The following D2HGDH variants were observed in gnomAD, a reference collection of about 807,000 sequenced individuals.
The protein encoded by D2HGDH is D-2-hydroxyglutarate dehydrogenase, mitochondrial.
A neutral mutation model predicts 46.9 loss-of-function variants in D2HGDH; 31 were observed. The observed-to-expected ratio is 0.66, with a 90% CI of 0.50 to 0.89. D2HGDH has a LOEUF of 0.89. Among genes scored for constraint, D2HGDH ranks in the 40% least tolerant of loss-of-function variants. The pLI, the probability that D2HGDH is intolerant of heterozygous loss-of-function variation, is 0.00. For synonymous variants in D2HGDH, 364 were observed against 332.6 expected, an observed-to-expected ratio of 1.09 and a Z score of -1.03; for missense variants, 698 against 720.8, an observed-to-expected ratio of 0.97 and a Z score of 0.36.
intron 8 of D2HGDH, among the ~76,000 whole-genome samples, chr2:241,752,838 G>C (rs1697488432): frequency 7.6e-6 from 1 of 131,260 alleles, no homozygotes; most frequent in Non-Finnish European, 1.6e-5. Context: ...ACAAAGGAAG[G>C]CTGCCCCCAA....
chr2:241,757,230 A>G (rs968147566), intron 9 of D2HGDH, among the ~76,000 whole-genome samples: 13 of 152,278 alleles, frequency 8.5e-5, no homozygotes, highest in African/African-American at 2.9e-4. Context: ...AACTTGCCCA[A>G]AGTTGCCCAG....
At chr2:241,756,810 C>T (rs1428654382) in intron 9 of D2HGDH, among the ~76,000 whole-genome samples, 2 of 152,238 alleles carry the variant, frequency 1.3e-5, no homozygotes, top group African/African-American at 4.8e-5. Context: ...GAGTGAGCCA[C>T]CGTGCCCAGC....
chr2:241,744,675 G>T (rs1349925210), intron 5 of D2HGDH, 34 bp from the exon 6 acceptor site: 1 of 1,614,108 alleles, frequency 6.2e-7, no homozygotes, highest in East Asian at 2.2e-5. Flanking sequence ...CAGGAGGCTG[G>T]CAGGTGGGTG....
intron 9 of D2HGDH, among the ~76,000 whole-genome samples, chr2:241,764,130 AG>A (rs1699069309): frequency 2.8e-5 from 4 of 145,296 alleles, no homozygotes; most frequent in Admixed American, 1.3e-4. Flanking sequence ...GTCCCCGGGC[AG>A]GGGATGTGTT....
intron 6 of D2HGDH, chr2:241,748,824 C>A: frequency 8.4e-7 from 1 of 1,195,970 alleles, no homozygotes; most frequent in Non-Finnish European, 1.1e-6. Flanking sequence ...CCTCTTCATC[C>A]AGGTTTTCTG....
intron 6 of D2HGDH, chr2:241,748,701 A>G (rs1575267604): frequency 1.7e-6 from 1 of 590,710 alleles, no homozygotes. Context: ...CCCGCCCTCC[A>G]CCTTCAGCCC....
chr2:241,745,605 G>C (rs182698122), intron 6 of D2HGDH, among the ~76,000 whole-genome samples: 1 of 152,254 alleles, frequency 6.6e-6, no homozygotes, highest in Admixed American at 6.5e-5. Flanking sequence ...TTCTTGTTGT[G>C]ATGTGTGTTC....
At chr2:241,744,288 T>C (rs1274499240) in intron 5 of D2HGDH, among the ~76,000 whole-genome samples, 3 of 152,244 alleles carry the variant, frequency 2.0e-5, no homozygotes, top group Admixed American at 2.0e-4. Flanking sequence ...ATCCAGTAAA[T>C]TATGACGCTT....
intron 8 of D2HGDH, among the ~76,000 whole-genome samples, chr2:241,754,283 G>A (rs1446686871): frequency 1.3e-5 from 2 of 152,166 alleles, no homozygotes; most frequent in Admixed American, 1.3e-4. Flanking sequence ...CGAAGGGACC[G>A]TAGGAGGGGC....
Position 241,764,463 on chromosome 2 carries a change from A to G in D2HGDH, c.1307-3247A>G, listed in dbSNP as rs1699100812. The stretch of plus-strand genomic sequence containing the variant: ...ACGTGGCGTCTTCAACAAACAGTCA[A>G]ATTTTAGGGATGTCACATGACAGGA... On this transcript the variant is annotated intron_variant, in intron 9 of 9. Transcript: ENST00000321264. 4.6e-5 allele frequency among the ~76,000 whole-genome samples: 7 copies of G among 152,210 alleles called. No homozygotes were observed. In the South Asian group the frequency reaches 1.2e-3, roughly 27 times the overall value.
Position 241,741,086 on chromosome 2 carries a change from C to T in D2HGDH, c.346C>T (p.Leu116Phe). The change falls in exon 3 of 10, where the codon CTC becomes TTC. Residue 116 changes from leucine to phenylalanine, a missense_variant. Transcript: ENST00000321264. ...PRTSEEVSHI[L>F]RHCHERNLAV... ...GACGTCGGAGGAGGTGTCCCACATC[C>T]TCAGGTGAGGTGGTGGCTCCCGGCT... 2 of 1,613,776 alleles carry T rather than the reference C, an allele frequency of 1.2e-6. No homozygotes were observed. The highest frequency in any genetic ancestry group is 1.7e-6 in the Non-Finnish European group (2 of 1,179,926).
In D2HGDH at chr2:241,742,614, T is replaced by C. The variant is rs78147778; in HGVS notation, c.490+40T>C. 410,818 of 1,612,210 alleles carry C rather than the reference T, an allele frequency of 0.25. 53,624 individuals are homozygous for C. Among genetic ancestry groups the C allele is most frequent in the Middle Eastern group, 0.33 (2,013 of 6,060 alleles). Reference sequence around the variant, plus strand: ...CCCGTCGGGGCCCAGGAGTCCCTCCTGGTGCTGGTGGAGTTCTTCCTTGCC... The same window carrying C: ...CCCGTCGGGGCCCAGGAGTCCCTCCCGGTGCTGGTGGAGTTCTTCCTTGCC... On this transcript the variant is annotated intron_variant, in intron 4 of 9. Coordinates refer to ENST00000321264, the MANE Select transcript of D2HGDH (RefSeq NM_152783.5). This position sits in a 1 kb window ranked among gnomAD's most constrained non-coding sequence, Gnocchi z 4.8.
chr2:241,751,512 G>A (rs1697196478), intron 8 of D2HGDH, 124 bp downstream of exon 8: 3 of 1,435,786 alleles, frequency 2.1e-6, no homozygotes, highest in Non-Finnish European at 1.9e-6. Flanking sequence ...ATGTGACTGG[G>A]TTTCATGGCT....
intron 9 of D2HGDH, among the ~76,000 whole-genome samples, chr2:241,764,073 C>G (rs568205446): frequency 6.6e-6 from 1 of 152,218 alleles, no homozygotes; most frequent in African/African-American, 2.4e-5. Flanking sequence ...TGAACATATT[C>G]TGTGGATGTG....
intron 7 of D2HGDH, among the ~76,000 whole-genome samples, chr2:241,751,022 T>G (rs1428281225): frequency 1.3e-5 from 2 of 152,178 alleles, no homozygotes; most frequent in African/African-American, 4.8e-5. Context: ...CCTCCCAAAG[T>G]GCTGGGATTA....
chr2:241,749,374 A>G (rs1024765553), intron 6 of D2HGDH: 3 of 1,281,016 alleles, frequency 2.3e-6, no homozygotes, highest in Non-Finnish European at 3.0e-6. Flanking sequence ...ATGCCTTTGC[A>G]TTGCCTCCCT....
chr2:241,751,838 C>G (rs949963256), intron 8 of D2HGDH, among the ~76,000 whole-genome samples: 12 of 152,096 alleles, frequency 7.9e-5, no homozygotes, highest in Non-Finnish European at 8.8e-5. Context: ...ACTGTGTGAC[C>G]AGATGATTTG....
Position 241,735,443 on chromosome 2 carries a change from C to A in D2HGDH, c.219C>A (p.Ile73=). The change falls in exon 2 of 10, where the codon ATC becomes ATA. Residue 73 remains isoleucine, a synonymous_variant. Coordinates refer to ENST00000321264, the MANE Select transcript of D2HGDH (RefSeq NM_152783.5). ...SKQDLAAFER[I]VPGGVVTDPE... is the part of the protein sequence containing the mutation. ...AGGACCTGGCCGCCTTTGAGCGCAT[C>A]GTGCCCGGCGGGGTCGTCACGGACC... 6.2e-7 allele frequency: 1 copy of A among 1,609,700 alleles called. No individual in the cohort carries two copies. Among genetic ancestry groups the A allele is most frequent in the Non-Finnish European group, 8.5e-7 (1 of 1,179,578 alleles).
At chr2:241,744,961 G>A (rs1695457213) in intron 6 of D2HGDH, 84 bp downstream of exon 6, 3 of 1,563,082 alleles carry the variant, frequency 1.9e-6, no homozygotes, top group South Asian at 1.1e-5. Flanking sequence ...TGTGAGGAAG[G>A]GGATGGAGGG....
Sources: gnomAD v4.1 joint callset for allele counts (sites outside exome capture counted in the v4.1 genomes callset) on GRCh38, gnomAD v4.1.1 for gene constraint, Gnocchi (gnomAD v3.1) non-coding constraint, MANE v1.5 for transcripts, NCBI Gene and HGNC (gene_info 2026-07-23, HGNC 2026-07-21) for gene names.